The following FAM161A variants were observed in gnomAD, a reference collection of about 807,000 sequenced individuals.
FAM161A encodes protein FAM161A.
In FAM161A, 57 loss-of-function variants were observed where a neutral mutation model predicts 70.9. The ratio of observed to expected loss-of-function variants is 0.80; its 90% CI spans 0.65 to 1.00. FAM161A has a LOEUF of 1.00. FAM161A is among the 50% of genes least tolerant of loss of function. The probability of loss-of-function intolerance (pLI) is 0.00; values close to 1 mark genes in which losing one functional copy is unlikely to be tolerated. For missense variants in FAM161A, 880 were observed against 836.0 expected, an observed-to-expected ratio of 1.05 and a Z score of -0.65; for synonymous variants, 299 against 295.7, an observed-to-expected ratio of 1.01 and a Z score of -0.12.
At chr2:61,835,761 C>A (rs1046701224) in intron 5 of FAM161A, 6 of 453,316 alleles carry the variant, frequency 1.3e-5, no homozygotes, top group African/African-American at 7.9e-5. Context: ...AACTCTTGGG[C>A]TCAAGCAATC....
At chr2:61,804,515 T>C in the FAM161A span, among the ~76,000 whole-genome samples, 1 of 151,866 alleles carries the variant, frequency 6.6e-6, no homozygotes, top group African/African-American at 2.4e-5. Flanking sequence ...TGAAACCCCG[T>C]CTCTACTAAA....
chr2:61,844,704 A>C (rs1263828032), intron 1 of FAM161A, among the ~76,000 whole-genome samples: 1 of 152,148 alleles, frequency 6.6e-6, no homozygotes, highest in African/African-American at 2.4e-5. Context: ...GTCTCACTTA[A>C]AACAAACAAA....
At chr2:61,843,959 T>A (rs906920290) in intron 1 of FAM161A, among the ~76,000 whole-genome samples, 3 of 152,000 alleles carry the variant, frequency 2.0e-5, no homozygotes, top group Admixed American at 6.6e-5. Context: ...CTGGCTAACA[T>A]GGCAAAACCC....
intron 2 of FAM161A, among the ~76,000 whole-genome samples, chr2:61,841,172 T>C (rs1263201360): frequency 2.6e-5 from 4 of 152,260 alleles, no homozygotes; most frequent in African/African-American, 7.2e-5. Context: ...TCCTGAAGCA[T>C]AGATCTGATC....
rs1227350190 is a variant in FAM161A, at chr2:61,840,229, T to C, written c.775A>G (p.Lys259Glu). 6.2e-7 allele frequency: 1 copy of C among 1,613,854 alleles called. No individual in the cohort carries two copies. Among genetic ancestry groups the C allele is most frequent in the African/African-American group, 1.3e-5 (1 of 74,902 alleles). ...QKKKEESMKS[K>E]SDIEMVHKAL... ...TTATGTACCATTTCGATATCTGATT[T>C]AGATTTCATGGACTCTTCTTTTTTC... Residue 259 changes from lysine to glutamate, a missense_variant, in exon 3 of 7, where the codon AAA becomes GAA. Transcript: ENST00000404929.
At chr2:61,828,381 T>G (rs1255378411) in intron 5 of FAM161A, among the ~76,000 whole-genome samples, 1 of 151,746 alleles carries the variant, frequency 6.6e-6, no homozygotes, top group Non-Finnish European at 1.5e-5. Context: ...CAGGCTGGAG[T>G]GCAGTGGTGC....
chr2:61,822,507 A>C (rs1253834027), downstream of FAM161A, among the ~76,000 whole-genome samples: 1 of 152,198 alleles, frequency 6.6e-6, no homozygotes, highest in African/African-American at 2.4e-5. Context: ...ACAACCACTA[A>C]AACACACATA....
chr2:61,804,768 G>GAAAAAGAAAGAAAGAAAGAAAGAA, the FAM161A span, among the ~76,000 whole-genome samples: 20 of 119,038 alleles, frequency 1.7e-4, no homozygotes, highest in South Asian at 6.3e-3. Context: ...GAAAAAGAAA[G>GAAAAAGAAAGAAAGAAAGAAAGAA]AGAAAGAAAG....
intron 1 of FAM161A, among the ~76,000 whole-genome samples, chr2:61,849,751 C>T (rs1673431163): frequency 6.8e-6 from 1 of 147,908 alleles, no homozygotes; most frequent in Non-Finnish European, 1.5e-5. Flanking sequence ...TGCCACTGTA[C>T]TCTAGCCTGG....
intron 5 of FAM161A, 31 bp from the exon 6 acceptor site, chr2:61,827,289 AACAGAAG>A (rs745378788): frequency 3.7e-6 from 6 of 1,607,928 alleles, no homozygotes; most frequent in Non-Finnish European, 5.1e-6. Context: ...TTTAGACGAG[AACAGAAG>A]ACTTTAAATT....
intron 1 of FAM161A, among the ~76,000 whole-genome samples, chr2:61,850,771 A>G (rs1041451194): frequency 4.6e-4 from 70 of 152,280 alleles, no homozygotes; most frequent in African/African-American, 1.5e-3. Flanking sequence ...ATAAATAAAA[A>G]GTGGAGTCAG....
chr2:61,829,308 T>C (rs1405107267), intron 5 of FAM161A, among the ~76,000 whole-genome samples: 1 of 152,194 alleles, frequency 6.6e-6, no homozygotes, highest in Non-Finnish European at 1.5e-5. Context: ...TTGTCAGATA[T>C]TTGCCAAATC....
At chr2:61,804,607 C>T in the FAM161A span, among the ~76,000 whole-genome samples, 3 of 151,444 alleles carry the variant, frequency 2.0e-5, no homozygotes, top group Non-Finnish European at 4.4e-5. Context: ...ATTGTCTGAA[C>T]CTGGGAGGTG....
At chr2:61,804,772 A>AAGAAAGAAAGAAAGAG in the FAM161A span, among the ~76,000 whole-genome samples, 7 of 126,734 alleles carry the variant, frequency 5.5e-5, no homozygotes, top group Admixed American at 5.4e-4. Context: ...AAGAAAGAGA[A>AAGAAAGAAAGAAAGAG]AGAAAGAAAG....
rs1331521926 is a variant in FAM161A, at chr2:61,849,072, A to T, written c.183+4787T>A. ...TATATATATTTATATATATATAAAT[A>T]TATATATTTATATATATATTTAAAT... On this transcript the variant is annotated intron_variant, in intron 1 of 6. Transcript: ENST00000404929. Among the ~76,000 whole-genome samples the T allele has an allele frequency of 4.4e-5, 2 of 44,978 alleles. 1 individual carries two copies. The highest frequency in any genetic ancestry group is 2.6e-4 in the African/African-American group (2 of 7,730). The allele number at this position is 44,978 out of a possible 152,430, so 29.5% of individuals were successfully genotyped here.
chr2:61,849,438 G>A (rs1179393576), intron 1 of FAM161A, among the ~76,000 whole-genome samples: 1 of 151,520 alleles, frequency 6.6e-6, no homozygotes, highest in African/African-American at 2.4e-5. Context: ...CCAGGAGTTT[G>A]AGACCACCCT....
At chr2:61,832,250 C>CA (rs1558477444) in intron 5 of FAM161A, among the ~76,000 whole-genome samples, 1 of 141,724 alleles carries the variant, frequency 7.1e-6, no homozygotes, top group African/African-American at 2.6e-5. Flanking sequence ...CACACACACA[C>CA]AAAAAAAAAC....
At chr2:61,830,860 C>G (rs1418171116) in intron 5 of FAM161A, among the ~76,000 whole-genome samples, 2 of 151,496 alleles carry the variant, frequency 1.3e-5, no homozygotes. Flanking sequence ...TCTGTAATCC[C>G]GGAACTTTGA....
intron 1 of FAM161A, among the ~76,000 whole-genome samples, chr2:61,843,315 C>A (rs190962587): frequency 6.6e-6 from 1 of 152,018 alleles, no homozygotes. Flanking sequence ...TTAGTAGAGA[C>A]GGGGTTTCAC....
Sources: gnomAD v4.1 joint callset for allele counts (sites outside exome capture counted in the v4.1 genomes callset) on GRCh38, gnomAD v4.1.1 for gene constraint, MANE v1.5 for transcripts, NCBI Gene and HGNC (gene_info 2026-07-23, HGNC 2026-07-21) for gene names.